The following CNTLN variants were observed in gnomAD, a reference collection of about 807,000 sequenced individuals.
CNTLN encodes centlein.
CNTLN carries 212 observed loss-of-function variants against 180.0 expected under a neutral mutation model. That is an observed-to-expected ratio of 1.18 (90% confidence interval 1.05 to 1.32). CNTLN has a LOEUF of 1.32. Ranked by LOEUF, CNTLN falls within the 40% of genes most tolerant of loss-of-function variation. CNTLN has a pLI of 0.00. For missense variants in CNTLN, 2,095 were observed against 1,610.9 expected (o/e 1.30, Z -5.14); for synonymous variants, 722 against 563.1 (o/e 1.28, Z -3.99).
Position 17,394,921 on chromosome 9 carries a change from A to T in CNTLN, c.2467A>T (p.Thr823Ser), listed in dbSNP as rs764615904. 8.5e-5 allele frequency: 137 copies of T among 1,614,114 alleles called. No homozygotes were observed. In the East Asian group the frequency reaches 1.9e-3, roughly 23 times the overall value. Reference protein sequence around the residue: ...KVRSGRYDCKTTMTKVKFKAA... With the variant: ...KVRSGRYDCKSTMTKVKFKAA... ...GAGATCTGGACGATATGATTGTAAG[A>T]CAACTATGACCAAGGTTAAATTTAA... The change falls in exon 15 of 26, where the codon ACA becomes TCA. Residue 823 changes from threonine (T) to serine (S), a missense_variant. Coordinates refer to ENST00000380647, the MANE Select transcript of CNTLN (RefSeq NM_017738.4).
chr9:17,342,694 C>T (rs1821579489), intron 12 of CNTLN, among the ~76,000 whole-genome samples: 2 of 152,144 alleles, frequency 1.3e-5, no homozygotes, highest in African/African-American at 4.8e-5. Flanking sequence ...GTGTGGCTCT[C>T]ATCTGTTGGA....
chr9:17,464,431 A>T, intron 20 of CNTLN, 66 bp from the exon 21 acceptor site: 1 of 1,363,266 alleles, frequency 7.3e-7, no homozygotes, highest in Non-Finnish European at 1.0e-6. Flanking sequence ...ATTGGATAAA[A>T]TGTAAGATAT....
chr9:17,211,947 G>C (rs1450107741), intron 2 of CNTLN, among the ~76,000 whole-genome samples: 1 of 152,186 alleles, frequency 6.6e-6, no homozygotes, highest in Non-Finnish European at 1.5e-5. Flanking sequence ...AGCTTAAGGA[G>C]ATTGGGGCTG....
rs970041922 is a variant in CNTLN at position 17,383,325 on chromosome 9, T to C, written c.1988-4837T>C. On this transcript the variant is annotated intron_variant, in intron 13 of 25. Coordinates refer to ENST00000380647, the MANE Select transcript of CNTLN (RefSeq NM_017738.4). Reference sequence around the variant, plus strand: ...AGGTGAATCGTTTGAATCCAGGAATTTGAGACCAGCCTGGGCAACCCTGTC... The same window carrying C: ...AGGTGAATCGTTTGAATCCAGGAATCTGAGACCAGCCTGGGCAACCCTGTC... 4.0e-5 allele frequency among the ~76,000 whole-genome samples: 6 copies of C among 151,874 alleles called. No homozygotes were observed. In the East Asian group the frequency reaches 9.8e-4, roughly 25 times the overall value.
chr9:17,353,411 G>A (rs937973086), intron 12 of CNTLN, among the ~76,000 whole-genome samples: 1 of 144,216 alleles, frequency 6.9e-6, no homozygotes, highest in African/African-American at 2.6e-5. Context: ...TATTATTTTT[G>A]TTCTTTATTA....
chr9:17,231,312 T>G (rs1001755604), intron 3 of CNTLN, among the ~76,000 whole-genome samples: 1 of 152,256 alleles, frequency 6.6e-6, no homozygotes, highest in South Asian at 2.1e-4. Flanking sequence ...CTTACTTCTG[T>G]ATCTAGTGAA....
chr9:17,461,292 G>A (rs1831432815), intron 19 of CNTLN, among the ~76,000 whole-genome samples: 1 of 151,544 alleles, frequency 6.6e-6, no homozygotes, highest in Admixed American at 6.6e-5. Context: ...AATGATTGAA[G>A]CAAACGCTTC....
chr9:17,243,977 C>T (rs1210449703), intron 5 of CNTLN, among the ~76,000 whole-genome samples: 1 of 151,934 alleles, frequency 6.6e-6, no homozygotes, highest in Admixed American at 6.6e-5. Flanking sequence ...CTTTATATAT[C>T]TTGGTGCTCC....
chr9:17,205,711 A>G (rs1159098719), intron 2 of CNTLN, among the ~76,000 whole-genome samples: 1 of 152,238 alleles, frequency 6.6e-6, no homozygotes, highest in Non-Finnish European at 1.5e-5. Flanking sequence ...CCCAATGGCA[A>G]CAAAACTAAT....
intron 9 of CNTLN, among the ~76,000 whole-genome samples, chr9:17,332,146 G>T (rs1820686744): frequency 6.6e-6 from 1 of 151,982 alleles, no homozygotes; most frequent in South Asian, 2.1e-4. Flanking sequence ...TCTACTGTCT[G>T]TTGTATTTAT....
intron 5 of CNTLN, among the ~76,000 whole-genome samples, chr9:17,256,991 T>C (rs1826543551): frequency 6.6e-6 from 1 of 152,164 alleles, no homozygotes; most frequent in African/African-American, 2.4e-5. Context: ...TTTTTATTAT[T>C]ATACTTTAAG....
At chr9:17,190,517 T>G (rs1231546104) in intron 2 of CNTLN, among the ~76,000 whole-genome samples, 3 of 152,144 alleles carry the variant, frequency 2.0e-5, no homozygotes, top group Non-Finnish European at 4.4e-5. Context: ...TTACCAGATA[T>G]AAAAAGTTTA....
intron 8 of CNTLN, among the ~76,000 whole-genome samples, chr9:17,321,550 A>C (rs1365489025): frequency 6.6e-6 from 1 of 152,182 alleles, no homozygotes; most frequent in African/African-American, 2.4e-5. Flanking sequence ...AAGAATTAAC[A>C]TTTGGAAGGG....
chr9:17,141,988 A>G (rs1445115511), intron 1 of CNTLN, among the ~76,000 whole-genome samples: 2 of 151,396 alleles, frequency 1.3e-5, no homozygotes, highest in African/African-American at 2.4e-5. Context: ...AGGCTGAGGC[A>G]GAAGAATCAC....
At chr9:17,453,575 A>C (rs895240340) in intron 18 of CNTLN, among the ~76,000 whole-genome samples, 19 of 152,312 alleles carry the variant, frequency 1.2e-4, no homozygotes, top group Admixed American at 7.2e-4. Context: ...GCAGCTGAGA[A>C]ACAACATATG....
chr9:17,289,167 T>A (rs1362817501), intron 6 of CNTLN, among the ~76,000 whole-genome samples: 1 of 115,964 alleles, frequency 8.6e-6, no homozygotes, highest in South Asian at 4.1e-4. Context: ...TTTCCATGTT[T>A]AGCGCTTCCT....
At chr9:17,198,570 C>T (rs1822296404) in intron 2 of CNTLN, among the ~76,000 whole-genome samples, 1 of 141,880 alleles carries the variant, frequency 7.0e-6, no homozygotes, top group Non-Finnish European at 1.5e-5. Context: ...TTGCTGTTGG[C>T]ATATAGAAAT....
chr9:17,256,432 T>A (rs1826492478), intron 5 of CNTLN, among the ~76,000 whole-genome samples: 1 of 152,024 alleles, frequency 6.6e-6, no homozygotes, highest in Admixed American at 6.6e-5. Flanking sequence ...CTGTTATTTT[T>A]GACTGTTTAG....
At chr9:17,345,423 C>A (rs944211872) in intron 12 of CNTLN, among the ~76,000 whole-genome samples, 4 of 151,864 alleles carry the variant, frequency 2.6e-5, no homozygotes, top group African/African-American at 9.7e-5. Flanking sequence ...TATTTATTTC[C>A]TGTTTGTTTC....
Sources: allele counts gnomAD v4.1 joint callset (sites outside exome capture counted in the v4.1 genomes callset), GRCh38; gene constraint gnomAD v4.1.1; transcripts MANE v1.5; gene names NCBI Gene and HGNC (gene_info 2026-07-23, HGNC 2026-07-21).